GLIS3: variants seen among roughly 807,000 people sequenced by gnomAD.
GLIS3 encodes GLIS family zinc finger 3.
GLIS3 carries 53 observed loss-of-function variants against 78.6 expected under a neutral mutation model. The ratio of observed to expected loss-of-function variants is 0.67; its 90% CI spans 0.54 to 0.85. The LOEUF (loss-of-function observed/expected upper bound fraction) is 0.85. Ranked by LOEUF, GLIS3 falls within the 40% of genes least tolerant of loss-of-function variation. The pLI, the probability that GLIS3 is intolerant of heterozygous loss-of-function variation, is 0.00. For missense variants in GLIS3, 1,703 were observed against 1,231.1 expected (o/e 1.38, Z -5.74); for synonymous variants, 684 against 509.9 (o/e 1.34, Z -4.60).
intron 8 of GLIS3, among the ~76,000 whole-genome samples, chr9:3,858,669 TA>T (rs1819952324): frequency 6.6e-6 from 1 of 152,126 alleles, no homozygotes; most frequent in Admixed American, 6.5e-5. Flanking sequence ...CTATTCTAAG[TA>T]AAATACACAT....
chr9:4,409,117 G>C, the GLIS3 span, among the ~76,000 whole-genome samples: 1 of 152,286 alleles, frequency 6.6e-6, no homozygotes, highest in East Asian at 1.9e-4. Flanking sequence ...TATGGGAAAT[G>C]TTGTAATCCT....
chr9:4,281,159 T>C (rs909358735), intron 2 of GLIS3, among the ~76,000 whole-genome samples: 22 of 152,342 alleles, frequency 1.4e-4, no homozygotes, highest in Admixed American at 7.2e-4. Flanking sequence ...CAAATACTAA[T>C]GGGATGTGTG....
intron 7 of GLIS3, among the ~76,000 whole-genome samples, chr9:3,880,602 AT>A (rs1232145557): frequency 1.3e-5 from 2 of 152,232 alleles, no homozygotes; most frequent in African/African-American, 4.8e-5. Context: ...TTTTAAAAAA[AT>A]AAATCAGGTT....
chr9:4,318,407 G>A (rs141280118), intron 2 of GLIS3, among the ~76,000 whole-genome samples: 92 of 152,250 alleles, frequency 6.0e-4, no homozygotes, highest in African/African-American at 2.1e-3. Flanking sequence ...CGGAGAAATG[G>A]CTGATTCCAG....
At chr9:4,134,238 A>G (rs1237703841) in intron 2 of GLIS3, among the ~76,000 whole-genome samples, 1 of 152,170 alleles carries the variant, frequency 6.6e-6, no homozygotes. Context: ...TTGCAATTGA[A>G]GTTTTTGCAA....
chr9:3,897,934 G>A (rs1822981082), intron 7 of GLIS3, among the ~76,000 whole-genome samples: 1 of 152,194 alleles, frequency 6.6e-6, no homozygotes, highest in Admixed American at 6.5e-5. Flanking sequence ...CTGGAATGTG[G>A]AGCTGGTAAA....
At chr9:4,129,437 G>C (rs1031628161) in intron 2 of GLIS3, among the ~76,000 whole-genome samples, 3 of 152,138 alleles carry the variant, frequency 2.0e-5, no homozygotes, top group South Asian at 2.1e-4. Context: ...AAGGTGATTG[G>C]ATCATGGGGG....
intron 4 of GLIS3, among the ~76,000 whole-genome samples, chr9:4,024,307 C>T (rs1823132309): frequency 6.6e-6 from 1 of 152,122 alleles, no homozygotes; most frequent in Non-Finnish European, 1.5e-5. Flanking sequence ...CACGGCTGTA[C>T]GAGCTGCAAA....
At chr9:3,850,742 T>C (rs1171964409) in intron 9 of GLIS3, among the ~76,000 whole-genome samples, 1 of 152,184 alleles carries the variant, frequency 6.6e-6, no homozygotes, top group East Asian at 1.9e-4. Context: ...CTTCCTCCTC[T>C]ACTCCACACC....
At chr9:3,963,482 C>G (rs1185303296) in intron 4 of GLIS3, among the ~76,000 whole-genome samples, 1 of 152,160 alleles carries the variant, frequency 6.6e-6, no homozygotes, top group African/African-American at 2.4e-5. Flanking sequence ...TCACAGGAAA[C>G]TGAAAACTTT....
rs1191179999 is a variant in GLIS3, at chr9:3,829,797, ACC to A, written c.2474-307_2474-306del. Among the ~76,000 whole-genome samples, 5 of 152,158 alleles carry A rather than the reference ACC, an allele frequency of 3.3e-5. No individual in the cohort carries two copies. In the East Asian group the frequency reaches 9.6e-4, roughly 29 times the overall value. On this transcript the variant is annotated intron_variant, in intron 9 of 10. Transcript: ENST00000381971. Reference sequence around the variant, plus strand: ...AAGAGTCCTGGACATTCAAGGCCTGACCTTCAGGGGAGGTTCCTACCCTAGAC... The same window carrying A: ...AAGAGTCCTGGACATTCAAGGCCTGATTCAGGGGAGGTTCCTACCCTAGAC...
At chr9:3,829,639 A>C in intron 9 of GLIS3, 147 bp from the exon 10 acceptor site, 1 of 760,516 alleles carries the variant, frequency 1.3e-6, no homozygotes. Flanking sequence ...TTCCAAGCAA[A>C]CATTTGGAAT....
At chr9:4,351,528 CTTT>C (rs1459677125), upstream of GLIS3, among the ~76,000 whole-genome samples, 3 of 151,792 alleles carry the variant, frequency 2.0e-5, no homozygotes, top group East Asian at 5.8e-4. Flanking sequence ...TCTAAGAGTT[CTTT>C]ATTACTCAAT....
the GLIS3 span, among the ~76,000 whole-genome samples, chr9:4,440,896 T>C: frequency 6.6e-6 from 1 of 152,198 alleles, no homozygotes; most frequent in Non-Finnish European, 1.5e-5. Flanking sequence ...AATTTATTTC[T>C]AGTTATTTTT....
At chr9:4,073,837 T>C (rs568334123) in intron 4 of GLIS3, among the ~76,000 whole-genome samples, 5 of 152,268 alleles carry the variant, frequency 3.3e-5, no homozygotes, top group African/African-American at 1.2e-4. Flanking sequence ...CATGAAAGTG[T>C]ATATAGAGCA....
intron 9 of GLIS3, among the ~76,000 whole-genome samples, chr9:3,841,493 C>G (rs907696934): frequency 6.6e-6 from 1 of 152,142 alleles, no homozygotes; most frequent in African/African-American, 2.4e-5. Context: ...GAATCCTCAA[C>G]GTGGGAAGGA....
intron 7 of GLIS3, among the ~76,000 whole-genome samples, chr9:3,884,745 C>T (rs1821958407): frequency 6.6e-6 from 1 of 152,142 alleles, no homozygotes; most frequent in South Asian, 2.1e-4. Flanking sequence ...GTTAAGTTAC[C>T]TGGCTTAGGT....
chr9:4,270,883 T>C (rs1283346011), intron 2 of GLIS3, among the ~76,000 whole-genome samples: 1 of 143,788 alleles, frequency 7.0e-6, no homozygotes, highest in Admixed American at 7.0e-5. Flanking sequence ...TCTCTCAATC[T>C]GTGTGGTGTG....
intron 2 of GLIS3, among the ~76,000 whole-genome samples, chr9:4,149,112 G>T (rs982689622): frequency 5.3e-5 from 8 of 152,084 alleles, no homozygotes; most frequent in African/African-American, 1.4e-4. Flanking sequence ...TACTATTACA[G>T]CTGCTACTAC....
Sources: allele counts gnomAD v4.1 joint callset (sites outside exome capture counted in the v4.1 genomes callset), GRCh38; gene constraint gnomAD v4.1.1; transcripts MANE v1.5; gene names NCBI Gene and HGNC (gene_info 2026-07-23, HGNC 2026-07-21).